Variants in TARS3 observed in about 807,000 individuals in gnomAD.
The protein encoded by TARS3 is threonyl-tRNA synthetase 3.
A neutral mutation model predicts 103.5 loss-of-function variants in TARS3; 94 were observed. That is an observed-to-expected ratio of 0.91 (90% confidence interval 0.77 to 1.08). The LOEUF (loss-of-function observed/expected upper bound fraction) is 1.08, where lower values mean the gene tolerates loss of function less well. Ranked by LOEUF, TARS3 falls within the 50% of genes least tolerant of loss-of-function variation. The probability of loss-of-function intolerance (pLI) is 0.00; values close to 1 mark genes in which losing one functional copy is unlikely to be tolerated. For missense variants in TARS3, 952 were observed against 995.2 expected (o/e 0.96, Z 0.58); for synonymous variants, 416 against 355.4 (o/e 1.17, Z -1.92).
At chr15:101,673,217 C>T (rs1437780952) in intron 13 of TARS3, among the ~76,000 whole-genome samples, 2 of 152,154 alleles carry the variant, frequency 1.3e-5, no homozygotes. Context: ...TCAGGCTTGG[C>T]TGCTAAACTA....
At position 101,689,495 on chromosome 15, in the gene TARS3, T is replaced by G. The variant is rs370600807; in HGVS notation, c.1321-3433A>C. On this transcript the variant is annotated intron_variant, in intron 10 of 18. Coordinates refer to ENST00000335968, the MANE Select transcript of TARS3 (RefSeq NM_152334.3). Reference sequence around the variant, plus strand: ...AGATCATTAGGGTAGATCCTAATACTATATGGCTGGTCTCTTTATAAAAAG... The same window carrying G: ...AGATCATTAGGGTAGATCCTAATACGATATGGCTGGTCTCTTTATAAAAAG... 1.2e-4 allele frequency among the ~76,000 whole-genome samples: 18 copies of G among 151,854 alleles called. No homozygotes were observed. The South Asian group carries it at 3.7e-3, about 31-fold the overall frequency.
At chr15:101,661,262 C>T (rs150550904) in intron 16 of TARS3, among the ~76,000 whole-genome samples, 7 of 151,952 alleles carry the variant, frequency 4.6e-5, no homozygotes, top group African/African-American at 1.4e-4. Context: ...ATTTATGAAT[C>T]AGGTTTACAT....
chr15:101,700,437 C>T (rs10444899), intron 10 of TARS3, among the ~76,000 whole-genome samples: 51,079 of 152,064 alleles, frequency 0.34, 10,037 homozygotes, highest in Non-Finnish European at 0.45. Flanking sequence ...TGCTTCATGG[C>T]TTAACACTCT....
chr15:101,720,071 C>T (rs552721156), intron 3 of TARS3, among the ~76,000 whole-genome samples: 1 of 152,318 alleles, frequency 6.6e-6, no homozygotes, highest in East Asian at 1.9e-4. Flanking sequence ...ATTCTTGCCT[C>T]AAAACCTGTT....
chr15:101,692,598 G>T (rs1454425823), intron 10 of TARS3, among the ~76,000 whole-genome samples: 1 of 144,868 alleles, frequency 6.9e-6, no homozygotes, highest in Non-Finnish European at 1.5e-5. Context: ...GTGGGTTCTG[G>T]TATTACTACT....
At chr15:101,719,595 T>C (rs182804009) in intron 3 of TARS3, among the ~76,000 whole-genome samples, 1 of 152,302 alleles carries the variant, frequency 6.6e-6, no homozygotes, top group East Asian at 1.9e-4. Flanking sequence ...GGCATAGCCA[T>C]GTGACTAAAT....
chr15:101,678,965 C>T (rs1445260220), intron 12 of TARS3, among the ~76,000 whole-genome samples: 1 of 152,162 alleles, frequency 6.6e-6, no homozygotes, highest in Non-Finnish European at 1.5e-5. Flanking sequence ...GTGCCACTTC[C>T]TTCTGGCCTC....
At chr15:101,717,713 G>T (rs186126862) in intron 3 of TARS3, among the ~76,000 whole-genome samples, 1 of 152,212 alleles carries the variant, frequency 6.6e-6, no homozygotes, top group Non-Finnish European at 1.5e-5. Context: ...GCAACAAGAT[G>T]GGAGAAATCT....
At chr15:101,681,894 T>C (rs1013948423) in intron 12 of TARS3, among the ~76,000 whole-genome samples, 4 of 152,112 alleles carry the variant, frequency 2.6e-5, no homozygotes, top group Non-Finnish European at 4.4e-5. Flanking sequence ...CAAAGTACTA[T>C]CATATGTTTT....
intron 5 of TARS3, among the ~76,000 whole-genome samples, chr15:101,709,259 A>C (rs1899735065): frequency 6.6e-6 from 1 of 152,218 alleles, no homozygotes; most frequent in Non-Finnish European, 1.5e-5. Context: ...TGCAGTGCTC[A>C]TCACGTCCCT....
chr15:101,661,101 G>GGATGCACCACTCAAAAAGGACCATAA (rs1897357806), intron 16 of TARS3, among the ~76,000 whole-genome samples: 7 of 88,892 alleles, frequency 7.9e-5, no homozygotes, highest in Admixed American at 2.1e-4. Context: ...AAGGACCACA[G>GGATGCACCACTCAAAAAGGACCATAA]GATGCACCAC....
intron 10 of TARS3, among the ~76,000 whole-genome samples, chr15:101,690,514 C>G (rs1372026893): frequency 6.6e-6 from 1 of 152,140 alleles, no homozygotes; most frequent in East Asian, 1.9e-4. Flanking sequence ...AACACACATA[C>G]AGGATTTTGT....
intron 4 of TARS3, among the ~76,000 whole-genome samples, chr15:101,713,944 G>A (rs1266151089): frequency 6.6e-6 from 1 of 152,124 alleles, no homozygotes; most frequent in Non-Finnish European, 1.5e-5. Context: ...ATTTTAAACA[G>A]AAATTATAAT....
chr15:101,674,204 C>T (rs936469080), intron 13 of TARS3, among the ~76,000 whole-genome samples: 4 of 152,208 alleles, frequency 2.6e-5, no homozygotes, highest in African/African-American at 9.7e-5. Flanking sequence ...ATCAAATCAA[C>T]TATGCAGTAT....
chr15:101,704,450 C>T (rs1596319001), intron 7 of TARS3, among the ~76,000 whole-genome samples: 1 of 151,988 alleles, frequency 6.6e-6, no homozygotes, highest in South Asian at 2.1e-4. Flanking sequence ...GTCAGGCATT[C>T]GAGACCAGCC....
chr15:101,702,131 A>G, intron 9 of TARS3, 108 bp downstream of exon 9: 1 of 1,359,948 alleles, frequency 7.4e-7, no homozygotes. Flanking sequence ...GCAAAATAGG[A>G]GAGAAGAAGA....
intron 3 of TARS3, among the ~76,000 whole-genome samples, chr15:101,715,248 G>A (rs1900089544): frequency 6.7e-6 from 1 of 148,950 alleles, no homozygotes; most frequent in Non-Finnish European, 1.5e-5. Flanking sequence ...CCGGGTTCAC[G>A]CCATTCTCCT....
At chr15:101,671,867 T>G in intron 13 of TARS3, 119 bp from the exon 14 acceptor site, 1 of 804,778 alleles carries the variant, frequency 1.2e-6, no homozygotes, top group Non-Finnish European at 2.0e-6. Flanking sequence ...ATATATTTAT[T>G]GAGCATCTTT....
In TARS3 at chr15:101,686,016, A is replaced by G; in HGVS notation, c.1367T>C (p.Met456Thr). ...GGCTTCCCAGAGTTTACTGTTGTAC[A>G]TATTGGGAGAGAGCACCTCCGTGAA... is the stretch of plus-strand genomic sequence containing the variant. The part of the protein sequence containing the change: ...RDFTEVLSPN[M>T]YNSKLWEASG... The change falls in exon 11 of 19, where the codon ATG (methionine) becomes ACG (threonine). Residue 456 changes from methionine (M) to threonine (T), a missense_variant. Coordinates refer to ENST00000335968, the MANE Select transcript of TARS3 (RefSeq NM_152334.3). 1 of 1,613,454 alleles carries G rather than the reference A, an allele frequency of 6.2e-7. No homozygotes were observed. The highest frequency in any genetic ancestry group is 2.2e-5 in the East Asian group (1 of 44,868).
Sources: allele counts gnomAD v4.1 joint callset (sites outside exome capture counted in the v4.1 genomes callset), GRCh38; gene constraint gnomAD v4.1.1; transcripts MANE v1.5; gene names NCBI Gene and HGNC (gene_info 2026-07-23, HGNC 2026-07-21).